Variants in NARS2 observed in about 807,000 individuals in gnomAD.
NARS2 encodes the protein asparaginyl-tRNA synthetase.
NARS2 carries 60 observed loss-of-function variants against 62.9 expected under a neutral mutation model. The ratio of observed to expected loss-of-function variants is 0.95; its 90% CI spans 0.77 to 1.18. NARS2 has a LOEUF of 1.18. Ranked by LOEUF, NARS2 falls within the 50% of genes most tolerant of loss-of-function variation. NARS2 has a pLI of 0.00. For missense variants in NARS2, 619 were observed against 576.4 expected (o/e 1.07, Z -0.76); for synonymous variants, 196 against 200.0 (o/e 0.98, Z 0.17).
rs956915477 is a variant in NARS2 at position 78,443,604 on chromosome 11, C to G, written c.1262+57G>C. The G allele has an allele frequency of 4.5e-6, 6 of 1,320,208 alleles. No homozygotes were observed. The African/African-American group carries it at 8.7e-5, about 19-fold the overall frequency. The allele number at this position is 1,320,208 out of a possible 1,614,324, so 81.8% of individuals were successfully genotyped here. On this transcript the variant is annotated intron_variant, in intron 12 of 13. Coordinates refer to ENST00000281038, the MANE Select transcript of NARS2 (RefSeq NM_024678.6). ...CACTCTGTTACTATGCAATGACCAC[C>G]TTTGAGCGCCTTATGCTCAATTTCT...
Position 78,528,953 on chromosome 11 carries a change from T to C in NARS2, c.595-17A>G. 1 of 1,529,308 alleles carries C rather than the reference T, an allele frequency of 6.5e-7. No homozygotes were observed. Among genetic ancestry groups the C allele is most frequent in the East Asian group, 2.3e-5 (1 of 44,342 alleles). 94.7% of individuals were successfully genotyped at this position (1,529,308 alleles called of 1,614,324 possible). On this transcript the variant is annotated splice_polypyrimidine_tract_variant and intron_variant, in intron 5 of 13. Transcript: ENST00000281038. ...GCCTGAAGGCTGCAAATCAAAAACA[T>C]AAGCCACAAAAAACTATTAAATGTT... is the stretch of plus-strand genomic sequence containing the variant.
chr11:78,537,982 A>C (rs78457307), intron 5 of NARS2, among the ~76,000 whole-genome samples: 2,124 of 152,328 alleles, frequency 0.014, 44 homozygotes, highest in African/African-American at 0.049. Flanking sequence ...GGAAAATTCC[A>C]GAAATAAAGA....
chr11:78,468,491 GC>G (rs532073286), intron 10 of NARS2, among the ~76,000 whole-genome samples: 1 of 148,372 alleles, frequency 6.7e-6, no homozygotes, highest in African/African-American at 2.5e-5. Context: ...TGCAGACTCT[GC>G]CCCCCGGGTT....
chr11:78,486,207 G>A (rs1283329021), intron 7 of NARS2, among the ~76,000 whole-genome samples: 1 of 151,990 alleles, frequency 6.6e-6, no homozygotes, highest in Non-Finnish European at 1.5e-5. Flanking sequence ...TCTCTTGTCA[G>A]TTAGACCCAA....
In NARS2 at chr11:78,574,701, A is replaced by G; in HGVS notation, c.-213T>C. 1.7e-6 allele frequency: 1 copy of G among 588,966 alleles called. No homozygotes were observed. Among genetic ancestry groups the G allele is most frequent in the Non-Finnish European group, 3.0e-6 (1 of 338,740 alleles). 36.5% of individuals were successfully genotyped at this position (588,966 alleles called of 1,614,324 possible). ...GCTTCCCACTTCCCAACGGGGCGGA[A>G]TGGACAGGACACTAGGCAAACGCCA... is the stretch of plus-strand genomic sequence containing the variant. On this transcript the variant is annotated 5_prime_UTR_variant, in exon 1 of 14. Coordinates refer to ENST00000281038, the MANE Select transcript of NARS2 (RefSeq NM_024678.6).
intron 11 of NARS2, among the ~76,000 whole-genome samples, chr11:78,450,475 C>G (rs563652007): frequency 1.3e-5 from 2 of 152,242 alleles, no homozygotes; most frequent in Middle Eastern, 3.4e-3. Flanking sequence ...AATTCACATT[C>G]TCTCCAGTGG....
intron 6 of NARS2, 70 bp downstream of exon 6, chr11:78,528,772 G>A: frequency 1.0e-6 from 1 of 978,822 alleles, no homozygotes; most frequent in Non-Finnish European, 1.6e-6. Context: ...TTAGGTTTGA[G>A]CATGGGAAGG....
chr11:78,566,127 C>G lies in NARS2; in HGVS notation c.513+5G>C. 6.3e-7 allele frequency: 1 copy of G among 1,599,438 alleles called. No individual in the cohort carries two copies. Among genetic ancestry groups the G allele is most frequent in the Non-Finnish European group, 8.5e-7 (1 of 1,173,828 alleles). On this transcript the variant is annotated splice_donor_5th_base_variant and intron_variant, in intron 4 of 13. Transcript: ENST00000281038. ...AGGGTCAAGAGGGAACTTTTAGGAT[C>G]TTACCTTAAAGAAAGAATGAATAGC...
chr11:78,536,800 T>A (rs780089609), intron 5 of NARS2, among the ~76,000 whole-genome samples: 2 of 152,230 alleles, frequency 1.3e-5, no homozygotes, highest in Non-Finnish European at 1.5e-5. Flanking sequence ...GTCCTAGGCC[T>A]TCCTACTCAC....
At chr11:78,454,645 G>A (rs1858091031) in intron 11 of NARS2, among the ~76,000 whole-genome samples, 1 of 148,682 alleles carries the variant, frequency 6.7e-6, no homozygotes, top group South Asian at 2.1e-4. Context: ...TTTTAATGTA[G>A]CCTCATTCTG....
intron 6 of NARS2, among the ~76,000 whole-genome samples, chr11:78,500,562 C>T (rs139998969): frequency 0.015 from 2,266 of 152,204 alleles, 59 homozygotes; most frequent in African/African-American, 0.052. Context: ...TAGCCTCAAC[C>T]TCCTGGGCTC....
chr11:78,503,041 T>C (rs1437732330), intron 6 of NARS2, among the ~76,000 whole-genome samples: 1 of 150,890 alleles, frequency 6.6e-6, no homozygotes, highest in East Asian at 1.9e-4. Context: ...TATCAAGCAC[T>C]TTACACACAT....
At chr11:78,458,939 G>C (rs183684802) in intron 11 of NARS2, among the ~76,000 whole-genome samples, 1 of 150,698 alleles carries the variant, frequency 6.6e-6, no homozygotes, top group East Asian at 2.0e-4. Context: ...GTTTTTTTGA[G>C]ATGGAGTCTC....
intron 13 of NARS2, among the ~76,000 whole-genome samples, chr11:78,437,411 G>T (rs1857441444): frequency 6.6e-6 from 1 of 152,178 alleles, no homozygotes; most frequent in South Asian, 2.1e-4. Context: ...ATGCTGGAGT[G>T]AGGAGAAACC....
At chr11:78,524,745 A>C (rs1354397727) in intron 6 of NARS2, among the ~76,000 whole-genome samples, 2 of 152,122 alleles carry the variant, frequency 1.3e-5, no homozygotes, top group East Asian at 3.8e-4. Flanking sequence ...AGTAACAGCA[A>C]ACATATCCAG....
At chr11:78,564,803 T>C (rs1856687544) in intron 4 of NARS2, among the ~76,000 whole-genome samples, 1 of 152,210 alleles carries the variant, frequency 6.6e-6, no homozygotes, top group African/African-American at 2.4e-5. Flanking sequence ...GATAACATTA[T>C]ATAATTTGAT....
chr11:78,486,457 T>G (rs1565230410), intron 7 of NARS2, among the ~76,000 whole-genome samples: 1 of 152,126 alleles, frequency 6.6e-6, no homozygotes, highest in African/African-American at 2.4e-5. Context: ...GACAATGAAC[T>G]ACAAATCACT....
chr11:78,466,385 T>C (rs747876591), intron 10 of NARS2, among the ~76,000 whole-genome samples: 18 of 151,426 alleles, frequency 1.2e-4, no homozygotes, highest in Non-Finnish European at 2.1e-4. Flanking sequence ...TGCCTACAGC[T>C]TCTTCCACGT....
chr11:78,508,761 C>T (rs1860602695), intron 6 of NARS2, among the ~76,000 whole-genome samples: 1 of 152,026 alleles, frequency 6.6e-6, no homozygotes, highest in African/African-American at 2.4e-5. Context: ...CAAACTTTTG[C>T]AAGCCAAACA....
Sources: allele counts gnomAD v4.1 joint callset (sites outside exome capture counted in the v4.1 genomes callset), GRCh38; gene constraint gnomAD v4.1.1; transcripts MANE v1.5; gene names NCBI Gene and HGNC (gene_info 2026-07-23, HGNC 2026-07-21).